The following SLC24A2 variants were observed in gnomAD, a reference collection of about 807,000 sequenced individuals.
SLC24A2 encodes solute carrier family 24 member 2.
Under a neutral mutation model 62.0 loss-of-function variants are expected in SLC24A2, and 36 were observed. The observed-to-expected ratio is 0.58, with a 90% CI of 0.44 to 0.77. The LOEUF (loss-of-function observed/expected upper bound fraction) is 0.77, where lower values mean the gene tolerates loss of function less well. SLC24A2 is among the 30% of genes least tolerant of loss of function. The pLI, the probability that SLC24A2 is intolerant of heterozygous loss-of-function variation, is 0.00. For missense variants in SLC24A2, 846 were observed against 817.9 expected (o/e 1.03, Z -0.42); for synonymous variants, 358 against 294.0 (o/e 1.22, Z -2.23).
At position 19,757,718 on chromosome 9, in the gene SLC24A2, G is replaced by A. The variant is rs543711389; in HGVS notation, c.930+28219C>T. Among the ~76,000 whole-genome samples the A allele has an allele frequency of 9.9e-5, 15 of 152,254 alleles. No individual in the cohort carries two copies. The South Asian group carries it at 1.7e-3, about 17-fold the overall frequency. On this transcript the variant is annotated intron_variant, in intron 2 of 10. Transcript: ENST00000341998. Reference sequence around the variant, plus strand: ...TTTATTTGTCTTCACCAAAATTCACGTTGAAATTTGATCTTCAGTGTGTGC... The same window carrying A: ...TTTATTTGTCTTCACCAAAATTCACATTGAAATTTGATCTTCAGTGTGTGC...
At chr9:19,813,123 C>T in the SLC24A2 span, among the ~76,000 whole-genome samples, 1 of 152,158 alleles carries the variant, frequency 6.6e-6, no homozygotes, top group East Asian at 1.9e-4. Context: ...GTTTTTGGCC[C>T]AGGATATTTC....
At chr9:19,867,839 C>A in the SLC24A2 span, among the ~76,000 whole-genome samples, 6 of 152,040 alleles carry the variant, frequency 3.9e-5, no homozygotes, top group Admixed American at 6.6e-5. Flanking sequence ...ACCCGGGAGG[C>A]GGAGGTTGCA....
chr9:19,694,343 A>G (rs1466124310), intron 2 of SLC24A2, among the ~76,000 whole-genome samples: 1 of 152,122 alleles, frequency 6.6e-6, no homozygotes, highest in African/African-American at 2.4e-5. Context: ...ACATTTATGT[A>G]AGTATTTGTT....
chr9:19,676,600 G>A (rs775664779), intron 2 of SLC24A2, among the ~76,000 whole-genome samples: 3 of 152,072 alleles, frequency 2.0e-5, no homozygotes, highest in Non-Finnish European at 4.4e-5. Flanking sequence ...TTCTTAAAAA[G>A]AGTTTTTCAT....
At chr9:20,076,568 T>C in the SLC24A2 span, among the ~76,000 whole-genome samples, 1 of 152,230 alleles carries the variant, frequency 6.6e-6, no homozygotes, top group African/African-American at 2.4e-5. Flanking sequence ...AGAAAGAGTA[T>C]GGTCTTGTGA....
the SLC24A2 span, among the ~76,000 whole-genome samples, chr9:20,129,383 A>G: frequency 3.5e-3 from 535 of 152,274 alleles, 2 homozygotes; most frequent in Non-Finnish European, 4.9e-3. Context: ...AAACTGTTTG[A>G]TACATTAAAC....
At position 19,514,672 on chromosome 9, in the gene SLC24A2, C is replaced by T. The variant is rs774100164; in HGVS notation, c.*1481G>A. 8 of 152,054 alleles carry T rather than the reference C, an allele frequency of 5.3e-5. No individual in the cohort carries two copies. Among genetic ancestry groups the T allele is most frequent in the Admixed American group, 3.3e-4 (5 of 15,268 alleles). 9.4% of individuals were successfully genotyped at this position (152,054 alleles called of 1,614,324 possible). ...ATTGTTGGAGTGAATAGCTTGAAAC[C>T]AGTATAAGGAAGCTGTCAAATACCG... On this transcript the variant is annotated 3_prime_UTR_variant, in exon 11 of 11. Coordinates refer to ENST00000341998, the MANE Select transcript of SLC24A2 (RefSeq NM_020344.4).
the SLC24A2 span, among the ~76,000 whole-genome samples, chr9:20,259,852 A>G: frequency 6.6e-6 from 1 of 152,252 alleles, no homozygotes; most frequent in East Asian, 1.9e-4. Context: ...ACTTTGGGAG[A>G]CCAAGGTGGG....
At chr9:20,098,620 C>A in the SLC24A2 span, among the ~76,000 whole-genome samples, 2 of 152,188 alleles carry the variant, frequency 1.3e-5, no homozygotes, top group African/African-American at 4.8e-5. Context: ...AAGATACTAA[C>A]TGGCCACTTC....
intron 2 of SLC24A2, among the ~76,000 whole-genome samples, chr9:19,688,898 G>A (rs1819963022): frequency 6.6e-6 from 1 of 151,966 alleles, no homozygotes; most frequent in Non-Finnish European, 1.5e-5. Context: ...AGCTCAAATT[G>A]TTATTGAGTA....
the SLC24A2 span, among the ~76,000 whole-genome samples, chr9:19,879,073 T>C: frequency 6.6e-6 from 1 of 152,226 alleles, no homozygotes; most frequent in South Asian, 2.1e-4. Context: ...TGTCTCAGTC[T>C]GCTAATCTTT....
At chr9:19,658,378 A>G (rs962880099) in intron 2 of SLC24A2, among the ~76,000 whole-genome samples, 7 of 152,166 alleles carry the variant, frequency 4.6e-5, no homozygotes, top group East Asian at 1.9e-4. Flanking sequence ...CACAAAAATG[A>G]TACCTGTACC....
At chr9:19,644,800 C>A (rs931423849) in intron 2 of SLC24A2, among the ~76,000 whole-genome samples, 5 of 151,626 alleles carry the variant, frequency 3.3e-5, no homozygotes, top group African/African-American at 1.2e-4. Context: ...AAAATAAATT[C>A]TTTATATAAA....
the SLC24A2 span, among the ~76,000 whole-genome samples, chr9:19,989,859 A>G: frequency 6.6e-6 from 1 of 152,168 alleles, no homozygotes; most frequent in Admixed American, 6.6e-5. Context: ...TGGAGTGAGG[A>G]CATTTCCACT....
chr9:19,951,226 TTGTGTGTGTGTGTG>T, the SLC24A2 span, among the ~76,000 whole-genome samples: 297 of 146,070 alleles, frequency 2.0e-3, no homozygotes, highest in African/African-American at 6.6e-3. Context: ...TTTTCTTAAG[TTGTGTGTGTGTGTG>T]TGTGTGTGTG....
chr9:19,710,308 A>T (rs1244900830), intron 2 of SLC24A2, among the ~76,000 whole-genome samples: 1 of 152,210 alleles, frequency 6.6e-6, no homozygotes, highest in Non-Finnish European at 1.5e-5. Flanking sequence ...GTAAGGGGAC[A>T]TAACCAAGGA....
intron 2 of SLC24A2, among the ~76,000 whole-genome samples, chr9:19,761,841 G>A (rs1180173443): frequency 5.5e-4 from 84 of 152,206 alleles, no homozygotes; most frequent in Non-Finnish European, 6.8e-4. Context: ...ATAGTATTCC[G>A]TGGTGTATAT....
the SLC24A2 span, among the ~76,000 whole-genome samples, chr9:19,873,392 CTCCT>C: frequency 8.7e-5 from 12 of 138,344 alleles, no homozygotes; most frequent in South Asian, 2.3e-4. Context: ...CTTTCTCTCT[CTCCT>C]TCCTTCCTTC....
the SLC24A2 span, among the ~76,000 whole-genome samples, chr9:20,207,901 T>G: frequency 6.6e-6 from 1 of 152,352 alleles, no homozygotes; most frequent in South Asian, 2.1e-4. Flanking sequence ...GAGTTTGTGT[T>G]TATTTTTTAC....
Sources: gnomAD v4.1 joint callset for allele counts (sites outside exome capture counted in the v4.1 genomes callset) on GRCh38, gnomAD v4.1.1 for gene constraint, MANE v1.5 for transcripts, NCBI Gene and HGNC (gene_info 2026-07-23, HGNC 2026-07-21) for gene names.